ADGRL2: variants seen among roughly 807,000 people sequenced by gnomAD.
ADGRL2 encodes the protein calcium-independent alpha-latrotoxin receptor 2.
ADGRL2 carries 44 observed loss-of-function variants against 157.4 expected under a neutral mutation model. The observed-to-expected ratio is 0.28, with a 90% confidence interval of 0.22 to 0.36. The LOEUF is 0.36. Among genes scored for constraint, ADGRL2 ranks in the 10% least tolerant of loss-of-function variants. The pLI is 1.00. For missense variants in ADGRL2, 1,510 were observed against 1,768.9 expected, an observed-to-expected ratio of 0.85 and a Z score of 2.63; for synonymous variants, 585 against 624.7, an observed-to-expected ratio of 0.94 and a Z score of 0.95.
At chr1:81,919,490 C>T (rs2094931515) in intron 3 of ADGRL2, among the ~76,000 whole-genome samples, 1 of 151,926 alleles carries the variant, frequency 6.6e-6, no homozygotes, top group African/African-American at 2.4e-5. Flanking sequence ...ATTTAAGTTA[C>T]TTTTCCTTAG....
At chr1:81,822,890 T>G (rs1231587524) in intron 1 of ADGRL2, among the ~76,000 whole-genome samples, 1 of 152,158 alleles carries the variant, frequency 6.6e-6, no homozygotes, top group Non-Finnish European at 1.5e-5. Context: ...TTCTTCATTT[T>G]TATAATGAGG....
At chr1:81,953,816 C>A (rs188252669) in intron 10 of ADGRL2, among the ~76,000 whole-genome samples, 1 of 152,218 alleles carries the variant, frequency 6.6e-6, no homozygotes, top group East Asian at 1.9e-4. Flanking sequence ...GGGACCATAA[C>A]CATGGTAAAT....
At chr1:81,553,986 A>G (rs2080212708) in intron 2 of ADGRL2, among the ~76,000 whole-genome samples, 1 of 152,208 alleles carries the variant, frequency 6.6e-6, no homozygotes, top group African/African-American at 2.4e-5. Context: ...GGCCCTGTAG[A>G]TGATATCCAC....
At chr1:81,767,160 T>C (rs371079975) in intron 2 of ADGRL2, among the ~76,000 whole-genome samples, 1 of 152,230 alleles carries the variant, frequency 6.6e-6, no homozygotes, top group Non-Finnish European at 1.5e-5. Context: ...TTCAACACTT[T>C]GAAGCACATG....
At chr1:81,836,756 AG>A in intron 1 of ADGRL2, 128 bp from the exon 2 acceptor site, 2 of 401,044 alleles carry the variant, frequency 5.0e-6, no homozygotes. Flanking sequence ...GTATAGGAGC[AG>A]CTTCCATAGT....
intron 1 of ADGRL2, among the ~76,000 whole-genome samples, chr1:81,806,414 C>T: frequency 6.6e-6 from 1 of 151,884 alleles, no homozygotes; most frequent in Non-Finnish European, 1.5e-5. Context: ...TTGAAATGAG[C>T]TAGAAGAGAG....
Position 81,990,613 on chromosome 1 carries a change from T to C in ADGRL2, c.3878T>C (p.Leu1293Pro), listed in dbSNP as rs1166094225. 1.9e-6 allele frequency: 3 copies of C among 1,614,148 alleles called. No homozygotes were observed. In the Admixed American group the frequency reaches 5.0e-5, roughly 27 times the overall value. ...RGSSKTHNLE[L>P]TLPVKPVIGG... ...AGCAGCAAGACTCACAACCTCGAGC[T>C]CACGCTACCAGTCAAACCTGTGATT... Residue 1293 changes from leucine (L) to proline (P), a missense_variant, in exon 24 of 24, where the codon CTC (leucine) becomes CCC (proline). Around this residue, in one of 4 missense-constraint regions of ADGRL2, gnomAD observed 327 missense variants for 310.1 expected, o/e 1.05. Transcript: ENST00000686636.
At chr1:81,528,776 A>G (rs2079533093) in intron 2 of ADGRL2, among the ~76,000 whole-genome samples, 1 of 152,190 alleles carries the variant, frequency 6.6e-6, no homozygotes, top group Non-Finnish European at 1.5e-5. Context: ...TTGCAGGATT[A>G]AAGTAAATAA....
rs114424595 is a variant in ADGRL2 at position 81,908,601 on chromosome 1, G to T, written c.287+1371G>T. Among the ~76,000 whole-genome samples the T allele has an allele frequency of 4.7e-3, 718 of 152,162 alleles. 5 individuals are homozygous for T. The highest frequency in any genetic ancestry group is 7.8e-3 in the Non-Finnish European group (528 of 67,998). On this transcript the variant is annotated intron_variant, in intron 3 of 23. Transcript: ENST00000686636. Reference sequence around the variant, plus strand: ...GAGTATAAGTTTTCAGTTTATTTGGGCAAATAAAGTACAATTGCTGGATTG... The same window carrying T: ...GAGTATAAGTTTTCAGTTTATTTGGTCAAATAAAGTACAATTGCTGGATTG...
At chr1:81,450,471 T>G (rs2077682665) in intron 2 of ADGRL2, among the ~76,000 whole-genome samples, 1 of 152,124 alleles carries the variant, frequency 6.6e-6, no homozygotes, top group South Asian at 2.1e-4. Flanking sequence ...AGAAATTTAC[T>G]TTGATGAAAT....
At chr1:81,745,745 T>C (rs1204145263) in intron 1 of ADGRL2, among the ~76,000 whole-genome samples, 1 of 152,184 alleles carries the variant, frequency 6.6e-6, no homozygotes, top group Non-Finnish European at 1.5e-5. Context: ...CTTTGTTATG[T>C]GGTTTCTAGG....
intron 11 of ADGRL2, 87 bp downstream of exon 11, chr1:81,956,147 C>A: frequency 1.0e-6 from 1 of 986,160 alleles, no homozygotes; most frequent in Non-Finnish European, 1.4e-6. Context: ...CTGTTATTTC[C>A]CAGTGCTGTA....
chr1:81,357,038 C>A (rs966649047), intron 1 of ADGRL2, among the ~76,000 whole-genome samples: 40 of 148,206 alleles, frequency 2.7e-4, no homozygotes, highest in South Asian at 8.9e-4. Flanking sequence ...GTACTAGGTA[C>A]TTAAAGCTCA....
intron 8 of ADGRL2, 128 bp downstream of exon 8, chr1:81,951,249 T>G (rs1651712063): frequency 3.4e-6 from 2 of 592,518 alleles, no homozygotes; most frequent in Admixed American, 3.1e-5. Context: ...AAAAAAAAAT[T>G]ACGCATAGTT....
chr1:81,523,051 C>A (rs80313252), intron 2 of ADGRL2, among the ~76,000 whole-genome samples: 9,258 of 123,770 alleles, frequency 0.075, 337 homozygotes, highest in South Asian at 0.12. Context: ...AAAAAAGTTA[C>A]CTGGAAAAAA....
At chr1:81,601,970 AG>A (rs577552834) in intron 3 of ADGRL2, among the ~76,000 whole-genome samples, 14 of 152,224 alleles carry the variant, frequency 9.2e-5, no homozygotes, top group Non-Finnish European at 1.9e-4. Flanking sequence ...CTTCTGCAAT[AG>A]GGCTGAGTGT....
At chr1:81,328,245 T>A (rs941711845) in intron 1 of ADGRL2, among the ~76,000 whole-genome samples, 1 of 152,154 alleles carries the variant, frequency 6.6e-6, no homozygotes, top group Non-Finnish European at 1.5e-5. Context: ...TTTGTTGGTA[T>A]GTGGCTATAA....
At chr1:81,569,047 T>C (rs763864252) in intron 2 of ADGRL2, among the ~76,000 whole-genome samples, 7 of 152,162 alleles carry the variant, frequency 4.6e-5, no homozygotes, top group Non-Finnish European at 7.4e-5. Flanking sequence ...ATTTCCTCTG[T>C]ATAGCCACTT....
At chr1:81,507,682 G>A (rs2079003243) in intron 2 of ADGRL2, among the ~76,000 whole-genome samples, 1 of 152,198 alleles carries the variant, frequency 6.6e-6, no homozygotes, top group Non-Finnish European at 1.5e-5. Context: ...ATAGGGACTG[G>A]CATGTTTGCT....
Sources: allele counts gnomAD v4.1 joint callset (sites outside exome capture counted in the v4.1 genomes callset), GRCh38; gene constraint gnomAD v4.1.1; regional missense constraint gnomAD v4.1.1; transcripts MANE v1.5; gene names NCBI Gene and HGNC (gene_info 2026-07-23, HGNC 2026-07-21).